MGST3: variants seen among roughly 807,000 people sequenced by gnomAD.
The protein encoded by MGST3 is microsomal glutathione S-transferase 3.
MGST3 carries 13 observed loss-of-function variants against 15.8 expected under a neutral mutation model. The observed-to-expected ratio is 0.82, with a 90% CI of 0.54 to 1.31. MGST3 has a LOEUF of 1.31. Ranked by LOEUF, MGST3 falls within the 50% of genes most tolerant of loss-of-function variation. MGST3 has a pLI of 0.00. For missense variants in MGST3, 155 were observed against 192.4 expected (o/e 0.81, Z 1.15); for synonymous variants, 49 against 68.1 (o/e 0.72, Z 1.38).
At chr1:165,642,305 T>A (rs1571150754) in intron 1 of MGST3, among the ~76,000 whole-genome samples, 1 of 152,230 alleles carries the variant, frequency 6.6e-6, no homozygotes, top group Non-Finnish European at 1.5e-5. Flanking sequence ...CCTCATGCAG[T>A]GCTGAGCAGT....
chr1:165,636,205 G>T (rs1035987244), intron 1 of MGST3, among the ~76,000 whole-genome samples: 2 of 151,878 alleles, frequency 1.3e-5, no homozygotes, highest in African/African-American at 2.4e-5. Flanking sequence ...TTTGTGTGTG[G>T]GTGTGTGTGT....
At position 165,653,350 on chromosome 1, in the gene MGST3, A is replaced by G. The variant is rs757929461; in HGVS notation, c.250-929A>G. ...CTAGTTTGGGGACAAGCACCTAACA[A>G]TTGTTCCTAGGTTGCCAGTCATTAG... On this transcript the variant is annotated intron_variant, in intron 4 of 5. Transcript: ENST00000367889. Among the ~76,000 whole-genome samples, 53 of 152,122 alleles carry G rather than the reference A, an allele frequency of 3.5e-4. 1 individual carries two copies. The highest frequency in any genetic ancestry group is 6.5e-4 in the Non-Finnish European group (44 of 68,028).
chr1:165,646,464 GT>G (rs1399534401), intron 1 of MGST3: 11 of 152,316 alleles, frequency 7.2e-5, no homozygotes, highest in African/African-American at 2.6e-4. Flanking sequence ...TACGACAAGA[GT>G]TTTCTCTGTG....
intron 3 of MGST3, chr1:165,651,633 TG>T (rs1321030539): frequency 1.2e-5 from 4 of 322,974 alleles, no homozygotes; most frequent in Non-Finnish European, 2.4e-5. Context: ...CTGGGTGAGG[TG>T]GGCTCACACC....
chr1:165,655,644 C>A lies in MGST3; in HGVS notation c.*140C>A. 9.9e-7 allele frequency: 1 copy of A among 1,014,940 alleles called. No homozygotes were observed. The highest frequency in any genetic ancestry group is 1.5e-6 in the Non-Finnish European group (1 of 686,818). The allele number at this position is 1,014,940 out of a possible 1,614,324, so 62.9% of individuals were successfully genotyped here. A position where few individuals can be genotyped will look rare whatever the true frequency, so the allele number is the denominator to read the frequency against. ...AACTCCTGACTCTTACCACTCATTT[C>A]CGTTTGAGTCTGTATCTGAAATCAG... On this transcript the variant is annotated 3_prime_UTR_variant, in exon 6 of 6. Coordinates refer to ENST00000367889, the MANE Select transcript of MGST3 (RefSeq NM_004528.4).
chr1:165,649,501 A>G (rs1648497388), intron 1 of MGST3: 2 of 271,260 alleles, frequency 7.4e-6, no homozygotes, highest in Middle Eastern at 1.3e-3. Context: ...TATTTTTTCA[A>G]TAATGTGATT....
intron 1 of MGST3, among the ~76,000 whole-genome samples, chr1:165,645,497 G>A (rs1648372574): frequency 6.6e-6 from 1 of 151,824 alleles, no homozygotes; most frequent in Non-Finnish European, 1.5e-5. Flanking sequence ...ATAAGTAGAA[G>A]GAATACACTA....
At chr1:165,635,764 C>T (rs1464767592) in intron 1 of MGST3, 1 of 152,188 alleles carries the variant, frequency 6.6e-6, no homozygotes, top group East Asian at 1.9e-4. Flanking sequence ...TAGTTAGCTT[C>T]CACTCTCCAA....
rs748510162 is a variant in MGST3, at chr1:165,651,083, A to G, written c.187A>G (p.Asn63Asp). ...IFNCIQRAHQ[N>D]TLEVYPPFLF... ...CAACTGCATTCAGCGAGCCCACCAG[A>G]ACACGTGAGTGTCGGCCCTGCCGGG... Residue 63 changes from asparagine to aspartate, a missense_variant, in exon 3 of 6, where the codon AAC becomes GAC. Physicochemically the swap from Asn to Asp is conservative, Grantham distance 23 (BLOSUM62 1). Transcript: ENST00000367889. 6.2e-7 allele frequency: 1 copy of G among 1,614,164 alleles called. No homozygotes were observed. The highest frequency in any genetic ancestry group is 1.7e-5 in the Admixed American group (1 of 60,022).
chr1:165,638,662 A>G (rs1393932002), intron 1 of MGST3, among the ~76,000 whole-genome samples: 1 of 152,196 alleles, frequency 6.6e-6, no homozygotes, highest in African/African-American at 2.4e-5. Flanking sequence ...GCATGTCTGT[A>G]ATCTCAGCTA....
At chr1:165,632,277 A>T (rs778700217) in intron 1 of MGST3, 15 of 1,612,432 alleles carry the variant, frequency 9.3e-6, no homozygotes, top group African/African-American at 1.3e-5. Context: ...CTCTGCAGGT[A>T]TGTGCTGTTG....
Position 165,655,594 on chromosome 1 carries a change from T to C in MGST3, c.*90T>C. ...TTTTTTTCTAAATATAATAAAAACT[T>C]ACCTGGCATCAGCCTCATACCTAAA... On this transcript the variant is annotated 3_prime_UTR_variant, in exon 6 of 6. Coordinates refer to ENST00000367889, the MANE Select transcript of MGST3 (RefSeq NM_004528.4). The C allele has an allele frequency of 1.3e-6, 2 of 1,501,170 alleles. No homozygotes were observed. The highest frequency in any genetic ancestry group is 9.1e-7 in the Non-Finnish European group (1 of 1,098,072). The allele number at this position is 1,501,170 out of a possible 1,614,324, so 93.0% of individuals were successfully genotyped here. A position where few individuals can be genotyped will look rare whatever the true frequency, so the allele number is the denominator to read the frequency against.
At position 165,654,267 on chromosome 1, in the gene MGST3, C is replaced by CT. The variant is rs1249119590; in HGVS notation, c.250-6dup. On this transcript the variant is annotated splice_polypyrimidine_tract_variant and intron_variant, in intron 4 of 5. Coordinates refer to ENST00000367889, the MANE Select transcript of MGST3 (RefSeq NM_004528.4). ...CTTTCATGCAAATACTAATGTAGCC[C>CT]TTTTTTCTTAGCGTATAGCTTCTGG... The CT allele has an allele frequency of 1.9e-6, 3 of 1,613,788 alleles. No individual in the cohort carries two copies. The highest frequency in any genetic ancestry group is 2.7e-5 in the African/African-American group (2 of 74,982).
intron 3 of MGST3, 158 bp from the exon 4 acceptor site, chr1:165,651,820 G>A (rs185497253): frequency 2.8e-5 from 16 of 578,680 alleles, no homozygotes; most frequent in African/African-American, 1.1e-4. Flanking sequence ...ACTTGAACCC[G>A]GGAGGCGGAG....
At chr1:165,641,033 A>G (rs923556788) in intron 1 of MGST3, among the ~76,000 whole-genome samples, 1 of 152,086 alleles carries the variant, frequency 6.6e-6, no homozygotes. Flanking sequence ...AAATACAAAA[A>G]TGAGCCTGGT....
rs932521520 is a variant in MGST3 at position 165,632,389 on chromosome 1, C to T, written c.-8+1096C>T. 10 of 1,132,384 alleles carry T rather than the reference C, an allele frequency of 8.8e-6. No homozygotes were observed. In the Admixed American group the frequency reaches 1.8e-4, roughly 21 times the overall value. The allele number at this position is 1,132,384 out of a possible 1,614,324, so 70.1% of individuals were successfully genotyped here. On this transcript the variant is annotated intron_variant, in intron 1 of 5. Coordinates refer to ENST00000367889, the MANE Select transcript of MGST3 (RefSeq NM_004528.4). ...AAATCTGTAGATCACCTGGAGCCAGCAGTTCTGGGAGGCACCCCAGGTTAT... is the reference window on the plus strand; with the variant it reads ...AAATCTGTAGATCACCTGGAGCCAGTAGTTCTGGGAGGCACCCCAGGTTAT...
intron 1 of MGST3, among the ~76,000 whole-genome samples, chr1:165,638,754 CCACT>C (rs1286942754): frequency 6.6e-6 from 1 of 150,932 alleles, no homozygotes; most frequent in South Asian, 2.1e-4. Flanking sequence ...CTGCACTCTG[CCACT>C]CACTCTAGCC....
chr1:165,639,560 T>C (rs976679106), intron 1 of MGST3, among the ~76,000 whole-genome samples: 2 of 152,150 alleles, frequency 1.3e-5, no homozygotes, highest in Non-Finnish European at 2.9e-5. Context: ...CCCAGCACTT[T>C]GGGAGGCTGA....
intron 1 of MGST3, chr1:165,632,258 C>T (rs1268986384): frequency 1.9e-6 from 3 of 1,612,492 alleles, no homozygotes; most frequent in East Asian, 2.2e-5. Context: ...GAGGGGAAGG[C>T]GCTTCCGGCT....
Sources: gnomAD v4.1 joint callset for allele counts (sites outside exome capture counted in the v4.1 genomes callset) on GRCh38, gnomAD v4.1.1 for gene constraint, MANE v1.5 for transcripts, NCBI Gene and HGNC (gene_info 2026-07-23, HGNC 2026-07-21) for gene names.